Variants in CSNK1G2 observed in about 807,000 individuals in gnomAD.
CSNK1G2 encodes casein kinase 1 gamma 2.
A neutral mutation model predicts 48.0 loss-of-function variants in CSNK1G2; 11 were observed. The ratio of observed to expected loss-of-function variants is 0.23; its 90% CI spans 0.14 to 0.38. The LOEUF is 0.38. Among genes scored for constraint, CSNK1G2 ranks in the 10% least tolerant of loss-of-function variants. The probability of loss-of-function intolerance (pLI) is 1.00; values close to 1 mark genes in which losing one functional copy is unlikely to be tolerated. For missense variants in CSNK1G2, 446 were observed against 595.5 expected (o/e 0.75, Z 2.61); for synonymous variants, 337 against 254.1 (o/e 1.33, Z -3.10).
At position 1,978,215 on chromosome 19, in the gene CSNK1G2, C is replaced by T; in HGVS notation, c.188-90C>T. 1.5e-6 allele frequency: 2 copies of T among 1,373,010 alleles called. No homozygotes were observed. Among genetic ancestry groups the T allele is most frequent in the South Asian group, 2.3e-5 (2 of 85,330 alleles). The allele number at this position is 1,373,010 out of a possible 1,614,324, so 85.1% of individuals were successfully genotyped here. On this transcript the variant is annotated intron_variant, in intron 2 of 11. Coordinates refer to ENST00000255641, the MANE Select transcript of CSNK1G2 (RefSeq NM_001319.7). The surrounding 1 kb of genome is among the most constrained non-coding windows in gnomAD (Gnocchi z 7.3). ...TTTGGAGGGTGGTCCTTCAGGGACC[C>T]CCTCCTGCCTCCTGCCTCGGGGGTG... is the stretch of plus-strand genomic sequence containing the variant.
chr19:1,962,337 C>CAA (rs1321898099), intron 1 of CSNK1G2, among the ~76,000 whole-genome samples: 2 of 148,272 alleles, frequency 1.3e-5, no homozygotes, highest in Non-Finnish European at 3.0e-5. Flanking sequence ...TCAACAACAA[C>CAA]AACAAAAAAA....
At chr19:1,945,552 G>T (rs896768034) in intron 1 of CSNK1G2, among the ~76,000 whole-genome samples, 1 of 152,072 alleles carries the variant, frequency 6.6e-6, no homozygotes, top group Non-Finnish European at 1.5e-5. Flanking sequence ...CCGGGCGCGG[G>T]GGCTCCCACC....
chr19:1,975,464 G>A (rs2015720917), intron 2 of CSNK1G2: 1 of 985,364 alleles, frequency 1.0e-6, no homozygotes, highest in Admixed American at 6.1e-5. Context: ...CTGGAGACGG[G>A]AGGGCGTGCC....
Position 1,980,535 on chromosome 19 carries a change from G to A in CSNK1G2, c.*332G>A. On this transcript the variant is annotated 3_prime_UTR_variant, in exon 12 of 12. Coordinates refer to ENST00000255641, the MANE Select transcript of CSNK1G2 (RefSeq NM_001319.7). Reference sequence around the variant, plus strand: ...CCCCTCCGTTTCTTTGCTGAAGTGAGTAGTGTGATCCTGGAGGCCCCCCGG... The same window carrying A: ...CCCCTCCGTTTCTTTGCTGAAGTGAATAGTGTGATCCTGGAGGCCCCCCGG... 2.7e-6 allele frequency: 1 copy of A among 376,080 alleles called. No individual in the cohort carries two copies. The highest frequency in any genetic ancestry group is 2.6e-5 in the South Asian group (1 of 37,868). The allele number at this position is 376,080 out of a possible 1,614,324, so 23.3% of individuals were successfully genotyped here.
chr19:1,960,794 T>C (rs1162903284), intron 1 of CSNK1G2, among the ~76,000 whole-genome samples: 1 of 151,918 alleles, frequency 6.6e-6, no homozygotes. Context: ...GAGGCCGAGG[T>C]AGGACAATCA....
intron 1 of CSNK1G2, among the ~76,000 whole-genome samples, chr19:1,948,591 C>T (rs1171864823): frequency 2.7e-5 from 4 of 147,548 alleles, no homozygotes; most frequent in African/African-American, 9.9e-5. Flanking sequence ...TGTTCTCTTA[C>T]CAGCCTTATT....
chr19:1,948,192 G>A (rs1229723267), intron 1 of CSNK1G2, among the ~76,000 whole-genome samples: 1 of 152,224 alleles, frequency 6.6e-6, no homozygotes, highest in East Asian at 1.9e-4. Context: ...CTCATCCCCA[G>A]GGTGCTGGCC....
intron 2 of CSNK1G2, chr19:1,976,194 T>C (rs2015748014): frequency 1.0e-6 from 1 of 984,620 alleles, no homozygotes; most frequent in Non-Finnish European, 1.4e-6. Context: ...AATTTCCTAA[T>C]AACGTGTTAC....
chr19:1,963,075 G>A (rs1245824594), intron 1 of CSNK1G2, among the ~76,000 whole-genome samples: 1 of 152,134 alleles, frequency 6.6e-6, no homozygotes, highest in Non-Finnish European at 1.5e-5. Context: ...GGCTCAATGA[G>A]ACACGCCAGA....
rs571340132 is a variant in CSNK1G2, at chr19:1,946,012, G to T, written c.-266+4594G>T. Among the ~76,000 whole-genome samples the T allele has an allele frequency of 2.4e-4, 37 of 152,262 alleles. 1 individual carries two copies. The highest frequency in any genetic ancestry group is 5.1e-4 in the Non-Finnish European group (35 of 68,010). The stretch of plus-strand genomic sequence containing the variant: ...CTCTGGTCTGGCCGGCCTGACCCGT[G>T]GGGTATGACTCTTGTTACGGCAGAT... On this transcript the variant is annotated intron_variant, in intron 1 of 11. Transcript: ENST00000255641.
At chr19:1,953,700 C>G (rs1480837925) in intron 1 of CSNK1G2, 1 of 385,932 alleles carries the variant, frequency 2.6e-6, no homozygotes, top group Admixed American at 3.1e-5. Context: ...GACGGGGTCC[C>G]TGCACAGCCT....
intron 1 of CSNK1G2, among the ~76,000 whole-genome samples, chr19:1,961,705 A>G (rs574005919): frequency 1.3e-5 from 2 of 152,384 alleles, no homozygotes; most frequent in South Asian, 2.1e-4. Context: ...CCCAGGGCAC[A>G]TGAGGAGATT....
At chr19:1,968,509 A>G (rs2015455685) in intron 1 of CSNK1G2, among the ~76,000 whole-genome samples, 1 of 152,154 alleles carries the variant, frequency 6.6e-6, no homozygotes, top group South Asian at 2.1e-4. Context: ...GAGTCCCCTC[A>G]GCCATGAGCC....
chr19:1,961,056 C>T (rs779387827), intron 1 of CSNK1G2, among the ~76,000 whole-genome samples: 1 of 152,196 alleles, frequency 6.6e-6, no homozygotes, highest in Non-Finnish European at 1.5e-5. Context: ...GGTTTCCTCT[C>T]CTGTGGATGC....
At chr19:1,979,872 G>A in intron 10 of CSNK1G2, 37 bp downstream of exon 10, 1 of 1,603,534 alleles carries the variant, frequency 6.2e-7, no homozygotes, top group South Asian at 1.1e-5. Flanking sequence ...CCAGGGAGGG[G>A]CATGGGCGGC....
chr19:1,978,008 A>G lies in CSNK1G2; in HGVS notation c.188-297A>G, dbSNP rs1303421409. Among the ~76,000 whole-genome samples, 1 of 145,950 alleles carries G rather than the reference A, an allele frequency of 6.9e-6. No homozygotes were observed. Among genetic ancestry groups the G allele is most frequent in the African/African-American group, 2.5e-5 (1 of 40,280 alleles). ...CCCTTGGGGCTGCCTGCAGGCCGTG[A>G]GAGACCTCCCCAGTGCCGCTTCTGT... is the stretch of plus-strand genomic sequence containing the variant. On this transcript the variant is annotated intron_variant, in intron 2 of 11. Coordinates refer to ENST00000255641, the MANE Select transcript of CSNK1G2 (RefSeq NM_001319.7). This position sits in a 1 kb window ranked among gnomAD's most constrained non-coding sequence, Gnocchi z 7.3.
chr19:1,967,684 TCCCCAGGCTGCCCCCACCA>T (rs1218174571), intron 1 of CSNK1G2, among the ~76,000 whole-genome samples: 13 of 125,798 alleles, frequency 1.0e-4, no homozygotes, highest in Admixed American at 8.3e-5. Context: ...TCCTCCCTCC[TCCCCAGGCTGCCCCCACCA>T]CCCTTCAGTT....
rs1011084962 is a variant in CSNK1G2 at position 1,945,284 on chromosome 19, G to A, written c.-266+3866G>A. On this transcript the variant is annotated intron_variant, in intron 1 of 11. Coordinates refer to ENST00000255641, the MANE Select transcript of CSNK1G2 (RefSeq NM_001319.7). ...CCCCGGGCTGGCCCCAGGCTCCCCCGGCAGCACTCAGGCGGCCCTGGCCCC... is the reference window on the plus strand; with the variant it reads ...CCCCGGGCTGGCCCCAGGCTCCCCCAGCAGCACTCAGGCGGCCCTGGCCCC... Among the ~76,000 whole-genome samples the A allele has an allele frequency of 1.1e-4, 16 of 152,328 alleles. No individual in the cohort carries two copies. The East Asian group carries it at 2.3e-3, about 22-fold the overall frequency.
intron 2 of CSNK1G2, 100 bp downstream of exon 2, chr19:1,970,059 C>T (rs1044891666): frequency 9.7e-7 from 1 of 1,026,370 alleles, no homozygotes; most frequent in Non-Finnish European, 1.3e-6. Context: ...TCACTGGAGC[C>T]TCTGGCGGGG....
Sources: gnomAD v4.1 joint callset for allele counts (sites outside exome capture counted in the v4.1 genomes callset) on GRCh38, gnomAD v4.1.1 for gene constraint, Gnocchi (gnomAD v3.1) non-coding constraint, MANE v1.5 for transcripts, NCBI Gene and HGNC (gene_info 2026-07-23, HGNC 2026-07-21) for gene names.